LRP2: variants seen among roughly 807,000 people sequenced by gnomAD.
LRP2 encodes low-density lipoprotein receptor-related protein 2.
A neutral mutation model predicts 531.0 loss-of-function variants in LRP2; 172 were observed. That is an observed-to-expected ratio of 0.32 (90% CI 0.29 to 0.37). The LOEUF (loss-of-function observed/expected upper bound fraction) is 0.37, where lower values mean the gene tolerates loss of function less well. Ranked by LOEUF, LRP2 falls within the 10% of genes least tolerant of loss-of-function variation. The pLI is 1.00. For missense variants in LRP2, 5,167 were observed against 5,868.3 expected (o/e 0.88, Z 3.90); for synonymous variants, 1,992 against 2,027.6 (o/e 0.98, Z 0.47).
At chr2:169,359,271 A>C (rs1180701486) in intron 1 of LRP2, among the ~76,000 whole-genome samples, 1 of 152,206 alleles carries the variant, frequency 6.6e-6, no homozygotes, top group Non-Finnish European at 1.5e-5. Context: ...CCAAGGTCAC[A>C]CAGCTAGAAA....
chr2:169,258,038 A>G (rs1231371478), intron 17 of LRP2, among the ~76,000 whole-genome samples: 1 of 149,922 alleles, frequency 6.7e-6, no homozygotes, highest in Non-Finnish European at 1.5e-5. Flanking sequence ...CAAATTCATT[A>G]AAAAACTAAA....
chr2:169,285,079 T>G, intron 9 of LRP2, among the ~76,000 whole-genome samples: 1 of 148,174 alleles, frequency 6.7e-6, no homozygotes. Flanking sequence ...GAGGGTAAGG[T>G]GGGAGGATTG....
intron 13 of LRP2, among the ~76,000 whole-genome samples, chr2:169,277,281 A>G (rs1419879187): frequency 1.3e-5 from 2 of 152,190 alleles, no homozygotes; most frequent in Non-Finnish European, 2.9e-5. Context: ...AATACAATAC[A>G]AAGAATTTCT....
intron 21 of LRP2, among the ~76,000 whole-genome samples, chr2:169,245,760 A>G (rs1050389480): frequency 2.0e-5 from 3 of 152,222 alleles, no homozygotes; most frequent in Non-Finnish European, 4.4e-5. Flanking sequence ...AAGGAATATA[A>G]CACATGAGAT....
intron 1 of LRP2, among the ~76,000 whole-genome samples, chr2:169,332,950 G>A (rs140860332): frequency 2.1e-3 from 312 of 152,194 alleles, no homozygotes; most frequent in Middle Eastern, 0.014. Flanking sequence ...GGCATGCCTC[G>A]ACCTTGACCA....
chr2:169,270,926 A>G lies in LRP2; in HGVS notation c.2298T>C (p.Phe766=). The G allele has an allele frequency of 6.2e-7, 1 of 1,613,128 alleles. No homozygotes were observed. Among genetic ancestry groups the G allele is most frequent in the Non-Finnish European group, 8.5e-7 (1 of 1,179,608 alleles). The change falls in exon 16 of 79, where the codon TTT becomes TTC. Residue 766 remains phenylalanine, a synonymous_variant. Transcript: ENST00000649046. ...FFSDMSKHMI[F]KQKIDGTGRE... ...CACCTGTGCCATCAATCTTTTGCTT[A>G]AAAATCATGTGTTTTGACATATCTG... is the stretch of plus-strand genomic sequence containing the variant.
chr2:169,221,861 C>G (rs1057514041), intron 33 of LRP2, among the ~76,000 whole-genome samples: 2 of 152,134 alleles, frequency 1.3e-5, no homozygotes, highest in African/African-American at 4.8e-5. Context: ...CTAAGGATCT[C>G]TTTGGTTCAC....
At chr2:169,357,651 T>C (rs1195019833) in intron 1 of LRP2, among the ~76,000 whole-genome samples, 1 of 152,094 alleles carries the variant, frequency 6.6e-6, no homozygotes, top group Non-Finnish European at 1.5e-5. Context: ...ACTTTCTACT[T>C]ACCTTGTTCT....
At chr2:169,211,565 T>A (rs1050489888) in intron 37 of LRP2, among the ~76,000 whole-genome samples, 4 of 152,166 alleles carry the variant, frequency 2.6e-5, no homozygotes, top group African/African-American at 9.6e-5. Flanking sequence ...TAATCAGAAA[T>A]AGGGCACAGT....
intron 50 of LRP2, 158 bp from the exon 51 acceptor site, chr2:169,182,477 G>A (rs1687476738): frequency 2.0e-6 from 3 of 1,527,848 alleles, no homozygotes; most frequent in Non-Finnish European, 2.6e-6. Context: ...CAGGAAGTTT[G>A]TCTTCCTGCA....
intron 6 of LRP2, among the ~76,000 whole-genome samples, chr2:169,292,654 C>T (rs1373880756): frequency 6.6e-6 from 1 of 151,602 alleles, no homozygotes; most frequent in African/African-American, 2.4e-5. Flanking sequence ...CTCATCTCTA[C>T]CAAAAATACG....
intron 64 of LRP2, among the ~76,000 whole-genome samples, chr2:169,156,987 G>A (rs867668966): frequency 8.5e-5 from 13 of 152,160 alleles, no homozygotes; most frequent in Admixed American, 7.2e-4. Context: ...TATGTCTGGC[G>A]TAAGTAGGTG....
chr2:169,316,017 G>A (rs892132305), intron 3 of LRP2, among the ~76,000 whole-genome samples: 7 of 149,940 alleles, frequency 4.7e-5, no homozygotes, highest in African/African-American at 1.2e-4. Flanking sequence ...CCATGCGCCC[G>A]TAGTCCCAGC....
intron 4 of LRP2, among the ~76,000 whole-genome samples, chr2:169,300,222 A>C (rs1330138891): frequency 1.3e-5 from 2 of 152,126 alleles, no homozygotes; most frequent in East Asian, 3.9e-4. Flanking sequence ...TGGGAGAGTG[A>C]AATTACAGCT....
chr2:169,292,504 C>CA, intron 6 of LRP2, 135 bp from the exon 7 acceptor site: 1 of 657,174 alleles, frequency 1.5e-6, no homozygotes, highest in Non-Finnish European at 2.7e-6. Flanking sequence ...GACATCTTGA[C>CA]AAAAATTTTT....
rs377413540 is a variant in LRP2, at chr2:169,213,889, C to T, written c.5827-19G>A. 2 of 1,558,220 alleles carry T rather than the reference C, an allele frequency of 1.3e-6. No homozygotes were observed. The highest frequency in any genetic ancestry group is 2.7e-5 in the African/African-American group (2 of 73,416). On this transcript the variant is annotated intron_variant, in intron 35 of 78. Coordinates refer to ENST00000649046, the MANE Select transcript of LRP2 (RefSeq NM_004525.3). The stretch of plus-strand genomic sequence containing the variant: ...TTTCAATCTAAAGGATTGGAATTTT[C>T]ATTAGTTTCATGGATTCATAGTGAA...
In LRP2 at chr2:169,318,896, CA is replaced by C. The variant is rs1684838301; in HGVS notation, c.188-13del. On this transcript the variant is annotated splice_polypyrimidine_tract_variant and intron_variant, in intron 2 of 78. Coordinates refer to ENST00000649046, the MANE Select transcript of LRP2 (RefSeq NM_004525.3). ...GCAGGTCACAACAGCTAAAACAAACCAAAAGAGGACTCATTATGGCAATCAT... is the reference window on the plus strand; with the variant it reads ...GCAGGTCACAACAGCTAAAACAAACCAAAGAGGACTCATTATGGCAATCAT... 1 of 1,613,946 alleles carries C rather than the reference CA, an allele frequency of 6.2e-7. No homozygotes were observed. Among genetic ancestry groups the C allele is most frequent in the Non-Finnish European group, 8.5e-7 (1 of 1,179,936 alleles).
intron 66 of LRP2, among the ~76,000 whole-genome samples, chr2:169,154,243 C>A (rs1686250730): frequency 6.6e-6 from 1 of 152,140 alleles, no homozygotes; most frequent in Non-Finnish European, 1.5e-5. Flanking sequence ...AAAGGATAAA[C>A]CCCAGTGATC....
intron 16 of LRP2, among the ~76,000 whole-genome samples, chr2:169,260,833 G>C (rs945427009): frequency 6.8e-6 from 1 of 147,814 alleles, no homozygotes; most frequent in African/African-American, 2.5e-5. Context: ...GTTTTTTATA[G>C]AACAGGAGAA....
Sources: gnomAD v4.1 joint callset for allele counts (sites outside exome capture counted in the v4.1 genomes callset) on GRCh38, gnomAD v4.1.1 for gene constraint, MANE v1.5 for transcripts, NCBI Gene and HGNC (gene_info 2026-07-23, HGNC 2026-07-21) for gene names.